GPBP1: variants seen among roughly 807,000 people sequenced by gnomAD.
GPBP1 encodes the protein vasculin.
In GPBP1, 13 loss-of-function variants were observed where a neutral mutation model predicts 56.5. That is an observed-to-expected ratio of 0.23 (90% confidence interval 0.15 to 0.37). The LOEUF (loss-of-function observed/expected upper bound fraction) is 0.37. Ranked by LOEUF, GPBP1 falls within the 10% of genes least tolerant of loss-of-function variation. GPBP1 has a pLI of 1.00. For synonymous variants in GPBP1, 204 were observed against 188.9 expected (o/e 1.08, Z -0.66); for missense variants, 477 against 572.3 (o/e 0.83, Z 1.70).
intron 2 of GPBP1, among the ~76,000 whole-genome samples, chr5:57,194,867 A>G (rs115310573): frequency 2.0e-5 from 3 of 152,310 alleles, no homozygotes; most frequent in Non-Finnish European, 4.4e-5. Context: ...TTCCATAGCC[A>G]TATACATACC....
chr5:57,225,816 A>C (rs767569334), intron 3 of GPBP1, among the ~76,000 whole-genome samples: 2 of 152,202 alleles, frequency 1.3e-5, no homozygotes, highest in Non-Finnish European at 2.9e-5. Context: ...ACTTGGAAAA[A>C]TTGATGTGGA....
At chr5:57,211,171 TA>T (rs560040482) in intron 2 of GPBP1, among the ~76,000 whole-genome samples, 215 of 151,562 alleles carry the variant, frequency 1.4e-3, no homozygotes, top group African/African-American at 4.8e-3. Context: ...TTTTTTTTTT[TA>T]AATCTTTTTT....
intron 10 of GPBP1, among the ~76,000 whole-genome samples, chr5:57,253,738 A>G (rs548731459): frequency 6.6e-6 from 1 of 152,222 alleles, no homozygotes; most frequent in East Asian, 1.9e-4. Flanking sequence ...TTAATAGTTT[A>G]TATTTCTCCT....
At chr5:57,233,909 A>T (rs1423219229) in intron 5 of GPBP1, among the ~76,000 whole-genome samples, 1 of 152,248 alleles carries the variant, frequency 6.6e-6, no homozygotes, top group Non-Finnish European at 1.5e-5. Context: ...TGTGACACAT[A>T]GTAAGCACTC....
rs928650117 is a variant in GPBP1 at position 57,201,633 on chromosome 5, G to T, written c.-57-12441G>T. 2.4e-4 allele frequency among the ~76,000 whole-genome samples: 37 copies of T among 152,126 alleles called. 1 individual carries two copies. The highest frequency in any genetic ancestry group is 2.2e-3 in the Admixed American group (34 of 15,272). The stretch of plus-strand genomic sequence containing the variant: ...ACCTAGGGTAGCCGACACCTAAGGT[G>T]GCCTCTTGCTGTAAGGTTATTTTAC... On this transcript the variant is annotated intron_variant, in intron 2 of 11. Coordinates refer to ENST00000506184, the MANE Select transcript of GPBP1 (RefSeq NM_022913.4).
chr5:57,241,808 A>G (rs903136889), intron 6 of GPBP1, among the ~76,000 whole-genome samples: 1 of 152,238 alleles, frequency 6.6e-6, no homozygotes, highest in East Asian at 1.9e-4. Context: ...CTCTTTTAAA[A>G]TGTAAACATT....
intron 6 of GPBP1, among the ~76,000 whole-genome samples, chr5:57,239,042 A>G (rs1740681347): frequency 6.6e-6 from 1 of 152,240 alleles, no homozygotes; most frequent in Admixed American, 6.5e-5. Flanking sequence ...GAACTTTGGT[A>G]AACAGAATTA....
chr5:57,259,228 G>T (rs921823983), intron 10 of GPBP1, among the ~76,000 whole-genome samples: 1 of 152,140 alleles, frequency 6.6e-6, no homozygotes, highest in Non-Finnish European at 1.5e-5. Flanking sequence ...ATTTGTCTTT[G>T]CCATCAAGTA....
chr5:57,195,096 A>G (rs867012573), intron 2 of GPBP1, among the ~76,000 whole-genome samples: 6 of 152,096 alleles, frequency 3.9e-5, no homozygotes, highest in Non-Finnish European at 7.4e-5. Flanking sequence ...AATGAGAATA[A>G]AAATTTTCCA....
intron 6 of GPBP1, among the ~76,000 whole-genome samples, chr5:57,245,021 C>T (rs572719943): frequency 6.6e-6 from 1 of 152,298 alleles, no homozygotes; most frequent in East Asian, 1.9e-4. Flanking sequence ...AGGCTTAAGC[C>T]ATCACGCGCA....
rs528501320 is a variant in GPBP1 at position 57,183,638 on chromosome 5, C to A, written c.-58+7238C>A. ...AGCCTATGCACCAAACAAGAACCGC[C>A]CCCCCATCTCAAAAAAAGAATTACG... On this transcript the variant is annotated intron_variant, in intron 2 of 11. Transcript: ENST00000506184. Among the ~76,000 whole-genome samples the A allele has an allele frequency of 9.2e-5, 14 of 152,038 alleles. No homozygotes were observed. In the East Asian group the frequency reaches 9.7e-4, roughly 11 times the overall value.
chr5:57,221,231 A>G, intron 3 of GPBP1: 1 of 620,724 alleles, frequency 1.6e-6, no homozygotes, highest in Non-Finnish European at 2.8e-6. Context: ...TGAGAAGGAT[A>G]TTTTACACAG....
intron 3 of GPBP1, among the ~76,000 whole-genome samples, chr5:57,225,709 T>A (rs1199967091): frequency 6.6e-6 from 1 of 152,112 alleles, no homozygotes; most frequent in Non-Finnish European, 1.5e-5. Context: ...GCCCTCTCTG[T>A]ACCGTTGAAC....
Position 57,249,443 on chromosome 5 carries a change from A to G in GPBP1, c.839A>G (p.Lys280Arg). The G allele has an allele frequency of 6.2e-7, 1 of 1,607,272 alleles. No homozygotes were observed. Among genetic ancestry groups the G allele is most frequent in the Non-Finnish European group, 8.5e-7 (1 of 1,177,790 alleles). Residue 280 changes from lysine (K) to arginine (R), a missense_variant, in exon 9 of 12, where the codon AAA becomes AGA. Lys to Arg is a conservative substitution (Grantham distance 26). Around this residue, in one of 2 missense-constraint regions of GPBP1, gnomAD observed 414 missense variants for 458.2 expected, o/e 0.90. Coordinates refer to ENST00000506184, the MANE Select transcript of GPBP1 (RefSeq NM_022913.4). ...TCAAATTCCTCTTCTCCTGTTGACA[A>G]ACTTAATCAGCAGCCTCGTCTAACC... The part of the protein sequence containing the change: ...NRSNSSSPVD[K>R]LNQQPRLTKL...
At chr5:57,225,509 A>AAC in intron 3 of GPBP1, among the ~76,000 whole-genome samples, 1 of 28,012 alleles carries the variant, frequency 3.6e-5, no homozygotes, top group Non-Finnish European at 7.0e-5. Flanking sequence ...AAAAAAAAAA[A>AAC]AACAAACTGG....
chr5:57,213,579 T>G (rs1379038932), intron 2 of GPBP1, among the ~76,000 whole-genome samples: 1 of 152,146 alleles, frequency 6.6e-6, no homozygotes, highest in African/African-American at 2.4e-5. Context: ...CTTTAGATTA[T>G]CACTTCCCCC....
rs138809706 is a variant in GPBP1, at chr5:57,238,356, C to T, written c.478+2324C>T. Among the ~76,000 whole-genome samples the T allele has an allele frequency of 3.2e-3, 480 of 152,094 alleles. 4 individuals carry two copies. Among genetic ancestry groups the T allele is most frequent in the African/African-American group, 0.011 (457 of 41,480 alleles). On this transcript the variant is annotated intron_variant, in intron 6 of 11. Coordinates refer to ENST00000506184, the MANE Select transcript of GPBP1 (RefSeq NM_022913.4). ...CCAGGGCAGGTGGATCACCTGAGGTCGACACCAGCCTGACCAACATGGAGA... is the reference window on the plus strand; with the variant it reads ...CCAGGGCAGGTGGATCACCTGAGGTTGACACCAGCCTGACCAACATGGAGA...
intron 2 of GPBP1, among the ~76,000 whole-genome samples, chr5:57,195,778 G>A (rs774328808): frequency 2.0e-5 from 3 of 151,878 alleles, no homozygotes; most frequent in Non-Finnish European, 4.4e-5. Context: ...TGAGGCAGGC[G>A]GATCACCTGA....
chr5:57,182,081 TTTAA>T (rs1309624448), intron 2 of GPBP1, among the ~76,000 whole-genome samples: 1 of 152,174 alleles, frequency 6.6e-6, no homozygotes, highest in Non-Finnish European at 1.5e-5. Flanking sequence ...TTTTCTTCCC[TTTAA>T]TTATTTTATA....
Sources: gnomAD v4.1 joint callset for allele counts (sites outside exome capture counted in the v4.1 genomes callset) on GRCh38, gnomAD v4.1.1 for gene constraint, gnomAD v4.1.1 regional missense constraint, MANE v1.5 for transcripts, NCBI Gene and HGNC (gene_info 2026-07-23, HGNC 2026-07-21) for gene names.